Variants in UBAP2 observed in about 807,000 individuals in gnomAD.
UBAP2 encodes ubiquitin-associated protein 2.
UBAP2 carries 75 observed loss-of-function variants against 139.6 expected under a neutral mutation model. That is an observed-to-expected ratio of 0.54 (90% CI 0.45 to 0.65). The LOEUF is 0.65. Ranked by LOEUF, UBAP2 falls within the 30% of genes least tolerant of loss-of-function variation. UBAP2 has a pLI of 0.00. For missense variants in UBAP2, 1,368 were observed against 1,369.6 expected (o/e 1.00, Z 0.02); for synonymous variants, 526 against 526.2 (o/e 1.00, Z 0.01).
chr9:33,927,771 G>A (rs1182586982), intron 20 of UBAP2, 26 bp downstream of exon 20: 8 of 1,585,602 alleles, frequency 5.0e-6, no homozygotes, highest in Non-Finnish European at 6.8e-6. Flanking sequence ...TCAGGGGTGG[G>A]CAGGAAAGGC....
At chr9:33,980,540 G>A (rs921984067) in intron 6 of UBAP2, among the ~76,000 whole-genome samples, 4 of 151,622 alleles carry the variant, frequency 2.6e-5, no homozygotes, top group African/African-American at 4.8e-5. Context: ...CGCACCCGGC[G>A]AGCGTCATTT....
At chr9:33,940,101 G>A (rs919391618) in intron 16 of UBAP2, among the ~76,000 whole-genome samples, 1 of 151,784 alleles carries the variant, frequency 6.6e-6, no homozygotes, top group African/African-American at 2.4e-5. Flanking sequence ...GGAGGAGGAG[G>A]AAGAAGGCCA....
intron 6 of UBAP2, among the ~76,000 whole-genome samples, chr9:33,977,301 T>G (rs1002850013): frequency 6.6e-6 from 1 of 152,004 alleles, no homozygotes; most frequent in African/African-American, 2.4e-5. Flanking sequence ...CCTCCCAAAG[T>G]GCTGGGATTA....
At chr9:33,995,401 T>C (rs1296687355) in intron 4 of UBAP2, 1 of 137,516 alleles carries the variant, frequency 7.3e-6, no homozygotes, top group African/African-American at 2.7e-5. Context: ...TATAAATATA[T>C]ATATAAAGTA....
chr9:33,963,601 T>C (rs370328976), intron 9 of UBAP2, 125 bp downstream of exon 9: 32 of 558,162 alleles, frequency 5.7e-5, no homozygotes, highest in South Asian at 3.1e-4. Context: ...ACCAAATAAA[T>C]AGGTATAGTT....
At position 33,927,845 on chromosome 9, in the gene UBAP2, C is replaced by A. The variant is rs373439521; in HGVS notation, c.2323G>T (p.Ala775Ser). 3.1e-6 allele frequency: 5 copies of A among 1,614,036 alleles called. No homozygotes were observed. In the Admixed American group the frequency reaches 6.7e-5, roughly 22 times the overall value. ...ANSLCLGGTP[A>S]SASSSSSRAA... ...CTGCTACTGCTGCTGGATGCACTCG[C>A]GGGGGTCCCACCCAGACAGAGGCTG... The change falls in exon 20 of 29, where the codon GCG becomes TCG. Residue 775 changes from alanine to serine, a missense_variant. By Grantham distance (99) the Ala-to-Ser change is moderately conservative. Coordinates refer to ENST00000379238, the MANE Select transcript of UBAP2 (RefSeq NM_001370062.2).
chr9:33,941,261 C>G (rs965323655), intron 16 of UBAP2, among the ~76,000 whole-genome samples: 11 of 152,098 alleles, frequency 7.2e-5, no homozygotes, highest in African/African-American at 2.7e-4. Context: ...GTAGAAAATA[C>G]ATAATTTTAA....
At chr9:33,941,891 A>T in intron 15 of UBAP2, 29 bp from the exon 16 acceptor site, 1 of 1,530,578 alleles carries the variant, frequency 6.5e-7, no homozygotes. Flanking sequence ...ATTCAACATA[A>T]TTTTGTTACT....
In UBAP2 at chr9:33,953,267, G is replaced by A. The variant is rs1396656579; in HGVS notation, c.1056+18C>T. ...GGTATATTTCTTAAAATCCCACACTGAAATAAAAGTGAGTTACCAGGCTCT... is the reference window on the plus strand; with the variant it reads ...GGTATATTTCTTAAAATCCCACACTAAAATAAAAGTGAGTTACCAGGCTCT... On this transcript the variant is annotated intron_variant, in intron 12 of 28. Coordinates refer to ENST00000379238, the MANE Select transcript of UBAP2 (RefSeq NM_001370062.2). 5 of 1,604,694 alleles carry A rather than the reference G, an allele frequency of 3.1e-6. No homozygotes were observed. The highest frequency in any genetic ancestry group is 2.2e-5 in the East Asian group (1 of 44,758).
intron 1 of UBAP2, among the ~76,000 whole-genome samples, chr9:34,021,162 T>C (rs1824907715): frequency 2.6e-5 from 4 of 152,172 alleles, no homozygotes; most frequent in African/African-American, 7.2e-5. Context: ...CAAAGAAAAT[T>C]GTGTCCCTGA....
In UBAP2 at chr9:33,981,217, TA is replaced by T. The variant is rs1165981429; in HGVS notation, c.520+5542del. 1.2e-4 allele frequency among the ~76,000 whole-genome samples: 10 copies of T among 86,418 alleles called. 2 individuals are homozygous for T. The highest frequency in any genetic ancestry group is 1.9e-4 in the Non-Finnish European group (9 of 47,084). 56.7% of individuals were successfully genotyped at this position (86,418 alleles called of 152,430 possible). A position where few individuals can be genotyped will look rare whatever the true frequency, so the allele number is the denominator to read the frequency against. ...TATATATATTCTGGATATATATATA[TA>T]TATTCTGGATATATATATATATTCT... On this transcript the variant is annotated intron_variant, in intron 6 of 28. Coordinates refer to ENST00000379238, the MANE Select transcript of UBAP2 (RefSeq NM_001370062.2).
chr9:34,002,789 G>A lies in UBAP2; in HGVS notation c.100-3925C>T, dbSNP rs530505215. ...GGCTCAAGCAATCCTCCCACCTCAC[G>A]CACTCCACCCCCCATAATTTCCCCC... On this transcript the variant is annotated intron_variant, in intron 2 of 28. Coordinates refer to ENST00000379238, the MANE Select transcript of UBAP2 (RefSeq NM_001370062.2). Among the ~76,000 whole-genome samples the A allele has an allele frequency of 1.8e-4, 28 of 151,808 alleles. No homozygotes were observed. In the South Asian group the frequency reaches 4.4e-3, roughly 24 times the overall value.
intron 1 of UBAP2, among the ~76,000 whole-genome samples, chr9:34,039,880 C>T (rs1372150134): frequency 4.1e-5 from 6 of 144,966 alleles, no homozygotes; most frequent in Non-Finnish European, 7.5e-5. Flanking sequence ...AAATACAAGC[C>T]GCACACGGTG....
At chr9:34,033,554 C>T (rs1039195653) in intron 1 of UBAP2, among the ~76,000 whole-genome samples, 1 of 151,650 alleles carries the variant, frequency 6.6e-6, no homozygotes, top group Non-Finnish European at 1.5e-5. Context: ...AATAGGGTAA[C>T]TATAGTCAAT....
chr9:33,987,947 T>C (rs1486386528), intron 5 of UBAP2, among the ~76,000 whole-genome samples: 1 of 152,170 alleles, frequency 6.6e-6, no homozygotes, highest in African/African-American at 2.4e-5. Context: ...CATCCCTATA[T>C]TGGCATTAAT....
At chr9:33,940,683 G>A (rs1401230119) in intron 16 of UBAP2, among the ~76,000 whole-genome samples, 1 of 152,182 alleles carries the variant, frequency 6.6e-6, no homozygotes, top group Non-Finnish European at 1.5e-5. Flanking sequence ...GGAGGCTAGG[G>A]TGGGAGGACT....
rs200173680 is a variant in UBAP2 at position 33,923,251 on chromosome 9, G to T, written c.2939C>A (p.Ser980Tyr). 3.5e-5 allele frequency: 57 copies of T among 1,614,074 alleles called. No individual in the cohort carries two copies. The highest frequency in any genetic ancestry group is 5.0e-5 in the Admixed American group (3 of 60,010). Residue 980 changes from serine to tyrosine, a missense_variant, in exon 26 of 29, where the codon TCC becomes TAC. Transcript: ENST00000379238. ...LTQGTAAGDYSKGGYAGSSQA... is the reference protein window; with the variant it reads ...LTQGTAAGDYYKGGYAGSSQA... ...CGATGATCCAGCATAGCCACCTTTG[G>T]AGTAGTCTCCTGCTGCTGTCCCCTG...
intron 6 of UBAP2, among the ~76,000 whole-genome samples, chr9:33,985,305 C>T (rs189490927): frequency 6.7e-4 from 102 of 152,130 alleles, no homozygotes; most frequent in Admixed American, 3.5e-3. Context: ...TTAGGATATC[C>T]GTTACCATGA....
chr9:34,031,402 G>C (rs1204431069), intron 1 of UBAP2, among the ~76,000 whole-genome samples: 1 of 152,064 alleles, frequency 6.6e-6, no homozygotes, highest in Non-Finnish European at 1.5e-5. Flanking sequence ...TCTACTCCCA[G>C]GTTCAAGCTA....
Sources: allele counts gnomAD v4.1 joint callset (sites outside exome capture counted in the v4.1 genomes callset), GRCh38; gene constraint gnomAD v4.1.1; transcripts MANE v1.5; gene names NCBI Gene and HGNC (gene_info 2026-07-23, HGNC 2026-07-21).